The following AFAP1 variants were observed in gnomAD, a reference collection of about 807,000 sequenced individuals.
AFAP1 encodes actin filament associated protein 1, also known as actin filament-associated protein 1.
A neutral mutation model predicts 93.9 loss-of-function variants in AFAP1; 75 were observed. The observed-to-expected ratio is 0.80, with a 90% CI of 0.66 to 0.97. The LOEUF is 0.97. Among genes scored for constraint, AFAP1 ranks in the 50% least tolerant of loss-of-function variants. AFAP1 has a pLI of 0.00. For synonymous variants in AFAP1, 517 were observed against 430.7 expected (o/e 1.20, Z -2.48); for missense variants, 1,201 against 1,050.8 (o/e 1.14, Z -1.98).
intron 1 of AFAP1, among the ~76,000 whole-genome samples, chr4:7,909,301 A>G (rs1719599166): frequency 6.6e-6 from 1 of 152,172 alleles, no homozygotes; most frequent in South Asian, 2.1e-4. Flanking sequence ...GCCCCAAATT[A>G]CACAGCTAGT....
Position 7,763,725 on chromosome 4 carries a change from G to C in AFAP1, c.*40C>G. 1 of 1,551,314 alleles carries C rather than the reference G, an allele frequency of 6.4e-7. No individual in the cohort carries two copies. The highest frequency in any genetic ancestry group is 1.2e-5 in the South Asian group (1 of 84,032). The stretch of plus-strand genomic sequence containing the variant: ...CACACAGATGAGGATACAGGCAAGG[G>C]GGTGTGCAGTCTCTGAGGCTGGAGT... On this transcript the variant is annotated 3_prime_UTR_variant, in exon 18 of 18. Transcript: ENST00000420658.
intron 10 of AFAP1, chr4:7,799,259 G>A (rs186408440): frequency 3.8e-4 from 65 of 170,024 alleles, no homozygotes; most frequent in African/African-American, 1.4e-3. Context: ...GCAGCAATGC[G>A]TGCTTCTGAC....
chr4:7,863,184 G>A (rs925471733), intron 3 of AFAP1, among the ~76,000 whole-genome samples: 4 of 152,232 alleles, frequency 2.6e-5, no homozygotes, highest in Admixed American at 1.3e-4. Flanking sequence ...AGGAGGCCGG[G>A]GTGTGTGGAC....
chr4:7,808,170 C>T (rs1217161697), intron 9 of AFAP1, among the ~76,000 whole-genome samples: 2 of 152,208 alleles, frequency 1.3e-5, no homozygotes, highest in East Asian at 1.9e-4. Context: ...AGGAAAATGA[C>T]AGCACATTCC....
At chr4:7,786,120 G>A (rs1717229912) in intron 12 of AFAP1, 74 bp downstream of exon 12, 2 of 1,377,180 alleles carry the variant, frequency 1.5e-6, no homozygotes, top group Admixed American at 1.7e-5. Context: ...GAAACCAGGG[G>A]AACTGAAGCA....
At chr4:7,822,162 T>C (rs1160891968) in intron 6 of AFAP1, among the ~76,000 whole-genome samples, 2 of 152,214 alleles carry the variant, frequency 1.3e-5, no homozygotes, top group South Asian at 2.1e-4. Flanking sequence ...AGGGAAGGCA[T>C]GTTCACGCAA....
At chr4:7,785,971 A>G (rs140791670) in intron 12 of AFAP1, among the ~76,000 whole-genome samples, 5 of 152,330 alleles carry the variant, frequency 3.3e-5, no homozygotes, top group Non-Finnish European at 5.9e-5. Flanking sequence ...ACATTAAATG[A>G]CAAACTGTCT....
rs754234800 is a variant in AFAP1 at position 7,793,829 on chromosome 4, G to GT, written c.1267-4dup. On this transcript the variant is annotated splice_region_variant and splice_polypyrimidine_tract_variant and intron_variant, in intron 10 of 17. Coordinates refer to ENST00000420658, the MANE Select transcript of AFAP1 (RefSeq NM_001134647.2). ...CCCATGTCTTCAGAAGAAGATGCCT[G>GT]TTGAAGTGGGAAAAAAGGTAGGCTG... 1 of 1,520,580 alleles carries GT rather than the reference G, an allele frequency of 6.6e-7. No homozygotes were observed. Among genetic ancestry groups the GT allele is most frequent in the Non-Finnish European group, 8.9e-7 (1 of 1,118,312 alleles). 94.2% of individuals were successfully genotyped at this position (1,520,580 alleles called of 1,614,324 possible).
At chr4:7,854,530 T>C (rs1288171783) in intron 4 of AFAP1, among the ~76,000 whole-genome samples, 1 of 152,200 alleles carries the variant, frequency 6.6e-6, no homozygotes, top group Non-Finnish European at 1.5e-5. Flanking sequence ...GCTCGTAGAC[T>C]GCCAAGGAGA....
rs1714001002 is a variant in AFAP1, at chr4:7,762,844, CAGT to C, written c.*918_*920del. 1 of 152,242 alleles carries C rather than the reference CAGT, an allele frequency of 6.6e-6. No homozygotes were observed. The highest frequency in any genetic ancestry group is 2.4e-5 in the African/African-American group (1 of 41,446). The allele number at this position is 152,242 out of a possible 1,614,324, so 9.4% of individuals were successfully genotyped here. On this transcript the variant is annotated 3_prime_UTR_variant, in exon 18 of 18. Transcript: ENST00000420658. The stretch of plus-strand genomic sequence containing the variant: ...AAAGGACTGCCCTGGCCCCAAGCAG[CAGT>C]AAACGTCCTGTACAGCGGCGAGGAG...
rs1330367773 is a variant in AFAP1, at chr4:7,763,331, G to A, written c.*434C>T. ...CGTGCAAGGCGAGCCCAGTGCCCAT[G>A]GCCAGCCACACTCATGCCCGGGGCA... On this transcript the variant is annotated 3_prime_UTR_variant, in exon 18 of 18. Coordinates refer to ENST00000420658, the MANE Select transcript of AFAP1 (RefSeq NM_001134647.2). 4 of 189,940 alleles carry A rather than the reference G, an allele frequency of 2.1e-5. No individual in the cohort carries two copies. Among genetic ancestry groups the A allele is most frequent in the Non-Finnish European group, 3.2e-5 (3 of 92,808 alleles). 11.8% of individuals were successfully genotyped at this position (189,940 alleles called of 1,614,324 possible). A position where few individuals can be genotyped will look rare whatever the true frequency, so the allele number is the denominator to read the frequency against.
chr4:7,787,052 T>G (rs571638708), intron 11 of AFAP1, among the ~76,000 whole-genome samples: 1 of 152,370 alleles, frequency 6.6e-6, no homozygotes, highest in Admixed American at 6.5e-5. Flanking sequence ...TAAATATGTA[T>G]TTTGGTCTTT....
rs1354590214 is a variant in AFAP1 at position 7,780,678 on chromosome 4, A to G, written c.1782+698T>C. On this transcript the variant is annotated intron_variant, in intron 13 of 17. Coordinates refer to ENST00000420658, the MANE Select transcript of AFAP1 (RefSeq NM_001134647.2). Reference sequence around the variant, plus strand: ...TTTTTTAAAAAGGCCTAACACCACAAAATTACTCTGAAATGTTACTGTTTG... The same window carrying G: ...TTTTTTAAAAAGGCCTAACACCACAGAATTACTCTGAAATGTTACTGTTTG... 4.6e-5 allele frequency among the ~76,000 whole-genome samples: 7 copies of G among 152,004 alleles called. No homozygotes were observed. In the East Asian group the frequency reaches 1.2e-3, roughly 25 times the overall value.
intron 12 of AFAP1, 65 bp from the exon 13 acceptor site, chr4:7,781,692 G>T: frequency 6.5e-7 from 1 of 1,530,738 alleles, no homozygotes; most frequent in Non-Finnish European, 8.8e-7. Flanking sequence ...TTAGCACAGT[G>T]AGATGTCATT....
chr4:7,928,771 C>T (rs1720908867), intron 1 of AFAP1, among the ~76,000 whole-genome samples: 1 of 152,336 alleles, frequency 6.6e-6, no homozygotes, highest in Middle Eastern at 3.4e-3. Context: ...ATATGCCACA[C>T]ACATACAAAG....
chr4:7,811,372 C>T (rs75866489), intron 8 of AFAP1, among the ~76,000 whole-genome samples: 5,456 of 151,434 alleles, frequency 0.036, 142 homozygotes, highest in Admixed American at 0.073. Context: ...AGAGGAAGAG[C>T]GGCCAGGGAC....
At chr4:7,805,930 G>A (rs189468182) in intron 9 of AFAP1, among the ~76,000 whole-genome samples, 13 of 152,320 alleles carry the variant, frequency 8.5e-5, no homozygotes, top group African/African-American at 2.9e-4. Context: ...TGGGGAGGGG[G>A]AAGCAGAGTA....
At chr4:7,890,010 A>AAG (rs1249334101) in intron 1 of AFAP1, among the ~76,000 whole-genome samples, 1 of 149,526 alleles carries the variant, frequency 6.7e-6, no homozygotes, top group Non-Finnish European at 1.5e-5. Flanking sequence ...TTGTTAAAAA[A>AAG]AAAAAAAAAA....
intron 9 of AFAP1, 42 bp from the exon 10 acceptor site, chr4:7,800,695 A>G: frequency 6.2e-7 from 1 of 1,607,630 alleles, no homozygotes; most frequent in Non-Finnish European, 8.5e-7. Context: ...CTCGGACAAG[A>G]CCAGGCGAGG....
Sources: allele counts gnomAD v4.1 joint callset (sites outside exome capture counted in the v4.1 genomes callset), GRCh38; gene constraint gnomAD v4.1.1; transcripts MANE v1.5; gene names NCBI Gene and HGNC (gene_info 2026-07-23, HGNC 2026-07-21).